DCLK2: variants seen among roughly 807,000 people sequenced by gnomAD.
The protein encoded by DCLK2 is doublecortin like kinase 2, also known as serine/threonine-protein kinase DCLK2.
Under a neutral mutation model 78.4 loss-of-function variants are expected in DCLK2, and 31 were observed. The observed-to-expected ratio is 0.40, with a 90% CI of 0.30 to 0.53. The LOEUF (loss-of-function observed/expected upper bound fraction) is 0.53. Among genes scored for constraint, DCLK2 ranks in the 20% least tolerant of loss-of-function variants. The pLI is 0.61. For synonymous variants in DCLK2, 407 were observed against 374.9 expected (o/e 1.09, Z -0.99); for missense variants, 872 against 973.7 (o/e 0.90, Z 1.39).
chr4:150,224,388 T>G, intron 7 of DCLK2, 113 bp from the exon 8 acceptor site: 1 of 899,904 alleles, frequency 1.1e-6, no homozygotes, highest in Non-Finnish European at 1.6e-6. Context: ...GGCAACATAA[T>G]GAGATCTCAT....
intron 1 of DCLK2, among the ~76,000 whole-genome samples, chr4:150,099,248 A>G (rs562583586): frequency 2.2e-4 from 34 of 152,060 alleles, no homozygotes; most frequent in African/African-American, 7.7e-4. Context: ...TAGTAGAGAC[A>G]TGGTCTCCCT....
chr4:150,111,915 G>C (rs1484955065), intron 2 of DCLK2, among the ~76,000 whole-genome samples: 2 of 152,074 alleles, frequency 1.3e-5, no homozygotes, highest in Non-Finnish European at 2.9e-5. Context: ...CTCCAGATTT[G>C]TTCTTTTTGC....
At chr4:150,138,817 C>T (rs1185873119) in intron 2 of DCLK2, among the ~76,000 whole-genome samples, 1 of 152,036 alleles carries the variant, frequency 6.6e-6, no homozygotes, top group Non-Finnish European at 1.5e-5. Flanking sequence ...AGGCGCCTGC[C>T]ACCATGCCCA....
chr4:150,229,697 C>T (rs140807511), intron 8 of DCLK2, among the ~76,000 whole-genome samples: 1,638 of 152,212 alleles, frequency 0.011, 30 homozygotes, highest in African/African-American at 0.038. Flanking sequence ...AAGGCAGTGT[C>T]CTTTGCCAAG....
intron 2 of DCLK2, among the ~76,000 whole-genome samples, chr4:150,188,921 A>C (rs989756475): frequency 2.6e-5 from 4 of 151,558 alleles, no homozygotes; most frequent in African/African-American, 9.7e-5. Context: ...AAAAAAAAAA[A>C]AAGCCAAATA....
intron 13 of DCLK2, 111 bp downstream of exon 13, chr4:150,247,810 A>C: frequency 1.3e-6 from 1 of 794,386 alleles, no homozygotes; most frequent in Non-Finnish European, 2.0e-6. Flanking sequence ...CTTGGCTTTT[A>C]ATGTGTGGTT....
chr4:150,106,694 T>C (rs1476909254), intron 2 of DCLK2, among the ~76,000 whole-genome samples: 1 of 152,176 alleles, frequency 6.6e-6, no homozygotes, highest in Non-Finnish European at 1.5e-5. Flanking sequence ...TTTAAGGGGC[T>C]GGTTATCCTT....
rs959299010 is a variant in DCLK2 at position 150,123,580 on chromosome 4, C to T, written c.756+20768C>T. ...TTATCAAAATATGACAGACGTGAAG[C>T]GAGCACAGGCCGTTGGAAAAATGAT... On this transcript the variant is annotated intron_variant, in intron 2 of 15. Transcript: ENST00000296550. Among the ~76,000 whole-genome samples the T allele has an allele frequency of 6.6e-5, 10 of 152,108 alleles. No homozygotes were observed. In the East Asian group the frequency reaches 7.7e-4, roughly 12 times the overall value.
intron 15 of DCLK2, among the ~76,000 whole-genome samples, chr4:150,250,648 T>C (rs1235366660): frequency 6.6e-6 from 1 of 151,762 alleles, no homozygotes; most frequent in African/African-American, 2.4e-5. Flanking sequence ...CACTGAGTCC[T>C]GACAGCTAAG....
intron 2 of DCLK2, among the ~76,000 whole-genome samples, chr4:150,140,279 T>A (rs115331436): frequency 1.7e-3 from 255 of 152,352 alleles, no homozygotes; most frequent in African/African-American, 5.9e-3. Flanking sequence ...TTTGAGCTTC[T>A]ACTGAAGAAA....
At chr4:150,209,103 A>C (rs1370879686) in intron 5 of DCLK2, among the ~76,000 whole-genome samples, 1 of 152,250 alleles carries the variant, frequency 6.6e-6, no homozygotes, top group African/African-American at 2.4e-5. Flanking sequence ...AAATGATTGG[A>C]AACAACATGA....
chr4:150,187,990 G>A (rs1344747309), intron 2 of DCLK2, among the ~76,000 whole-genome samples: 5 of 152,078 alleles, frequency 3.3e-5, no homozygotes, highest in African/African-American at 4.8e-5. Context: ...TAGTAGAGAC[G>A]GGGTTTCGCC....
chr4:150,148,681 C>T (rs1327839150), intron 2 of DCLK2, among the ~76,000 whole-genome samples: 1 of 151,896 alleles, frequency 6.6e-6, no homozygotes, highest in Non-Finnish European at 1.5e-5. Flanking sequence ...TTTACCTTAC[C>T]TATCTTGTAT....
chr4:150,197,132 C>T (rs1322895666), intron 3 of DCLK2, among the ~76,000 whole-genome samples: 2 of 139,876 alleles, frequency 1.4e-5, no homozygotes, highest in Admixed American at 7.6e-5. Flanking sequence ...TTAGCCTGGG[C>T]GACAGAGCGA....
chr4:150,136,268 C>T (rs972586693), intron 2 of DCLK2, among the ~76,000 whole-genome samples: 8 of 152,144 alleles, frequency 5.3e-5, no homozygotes, highest in Admixed American at 4.6e-4. Context: ...TTTAGAAGTA[C>T]GGTCCCTCTG....
intron 2 of DCLK2, among the ~76,000 whole-genome samples, chr4:150,160,175 GC>G (rs1399594438): frequency 6.6e-6 from 1 of 151,960 alleles, no homozygotes; most frequent in Non-Finnish European, 1.5e-5. Context: ...GCTACCACAT[GC>G]CTGGCTAACT....
At chr4:150,219,929 G>C (rs1238113431) in intron 5 of DCLK2, among the ~76,000 whole-genome samples, 1 of 152,118 alleles carries the variant, frequency 6.6e-6, no homozygotes, top group Non-Finnish European at 1.5e-5. Flanking sequence ...GACACACTGG[G>C]GTTTTTGAAT....
intron 2 of DCLK2, among the ~76,000 whole-genome samples, chr4:150,135,974 C>T (rs1161930119): frequency 6.6e-6 from 1 of 152,158 alleles, no homozygotes; most frequent in Non-Finnish European, 1.5e-5. Flanking sequence ...GTTGCATTCA[C>T]TGACCCAAGT....
At chr4:150,176,373 T>G (rs1209404274) in intron 2 of DCLK2, among the ~76,000 whole-genome samples, 1 of 152,202 alleles carries the variant, frequency 6.6e-6, no homozygotes, top group Non-Finnish European at 1.5e-5. Context: ...CTCCAGGTGC[T>G]GGGTGTCTTC....
Sources: allele counts gnomAD v4.1 joint callset (sites outside exome capture counted in the v4.1 genomes callset), GRCh38; gene constraint gnomAD v4.1.1; transcripts MANE v1.5; gene names NCBI Gene and HGNC (gene_info 2026-07-23, HGNC 2026-07-21).